EIPR1: variants seen among roughly 807,000 people sequenced by gnomAD.
The protein encoded by EIPR1 is EARP complex and GARP complex interacting protein 1.
EIPR1 carries 25 observed loss-of-function variants against 48.1 expected under a neutral mutation model. The observed-to-expected ratio is 0.52, with a 90% confidence interval of 0.38 to 0.73. EIPR1 has a LOEUF of 0.73. Among genes scored for constraint, EIPR1 ranks in the 30% least tolerant of loss-of-function variants. The pLI, the probability that EIPR1 is intolerant of heterozygous loss-of-function variation, is 0.00. For missense variants in EIPR1, 415 were observed against 506.2 expected, an observed-to-expected ratio of 0.82 and a Z score of 1.73; for synonymous variants, 204 against 201.9, an observed-to-expected ratio of 1.01 and a Z score of -0.09.
intron 3 of EIPR1, among the ~76,000 whole-genome samples, chr2:3,269,574 G>GTCATCGCACTCAA (rs1265166525): frequency 1.3e-5 from 1 of 76,802 alleles, no homozygotes; most frequent in East Asian, 5.2e-4. Flanking sequence ...ATCGCACTCA[G>GTCATCGCACTCAA]TCATCGCACT....
intron 4 of EIPR1, among the ~76,000 whole-genome samples, chr2:3,227,428 G>A (rs1164533210): frequency 6.6e-6 from 1 of 152,238 alleles, no homozygotes; most frequent in Admixed American, 6.5e-5. Context: ...ACTCGAGAGA[G>A]ATGACTTAGG....
intron 3 of EIPR1, among the ~76,000 whole-genome samples, chr2:3,260,288 TGA>T (rs1329488736): frequency 6.6e-6 from 1 of 152,004 alleles, no homozygotes; most frequent in East Asian, 1.9e-4. Flanking sequence ...GTCAGGAGTT[TGA>T]GAGCAGCCTG....
intron 2 of EIPR1, among the ~76,000 whole-genome samples, chr2:3,350,117 CAAAAAAAAAAAA>C (rs35912767): frequency 1.1e-3 from 65 of 57,462 alleles, no homozygotes; most frequent in Non-Finnish European, 1.4e-3. Context: ...GACTCTGTCT[CAAAAAAAAAAAA>C]AAAAAAAAAA....
At chr2:3,251,595 T>C (rs1037429382) in intron 4 of EIPR1, among the ~76,000 whole-genome samples, 13 of 152,120 alleles carry the variant, frequency 8.5e-5, no homozygotes, top group Non-Finnish European at 1.8e-4. Context: ...TCTGCTGCCT[T>C]GAAGTCCACC....
chr2:3,198,808 A>G (rs535943873), intron 5 of EIPR1, among the ~76,000 whole-genome samples: 1 of 152,264 alleles, frequency 6.6e-6, no homozygotes, highest in Admixed American at 6.5e-5. Context: ...ACAAGGCAGA[A>G]GGTCAGGGTG....
intron 3 of EIPR1, among the ~76,000 whole-genome samples, chr2:3,325,352 G>A (rs987647598): frequency 6.6e-6 from 1 of 152,230 alleles, no homozygotes; most frequent in African/African-American, 2.4e-5. Flanking sequence ...TCCCACTGCG[G>A]AGGAGATGAG....
chr2:3,285,014 G>A (rs1668136006), intron 3 of EIPR1, among the ~76,000 whole-genome samples: 1 of 152,206 alleles, frequency 6.6e-6, no homozygotes, highest in Non-Finnish European at 1.5e-5. Flanking sequence ...GCAAGATAGT[G>A]AAAGTCAATG....
intron 5 of EIPR1, among the ~76,000 whole-genome samples, chr2:3,201,504 G>C (rs1177041225): frequency 6.6e-6 from 1 of 152,192 alleles, no homozygotes; most frequent in Non-Finnish European, 1.5e-5. Flanking sequence ...CGGGCTCCCA[G>C]ATACACTCAG....
intron 3 of EIPR1, among the ~76,000 whole-genome samples, chr2:3,327,911 G>C (rs1183707857): frequency 6.6e-6 from 1 of 151,990 alleles, no homozygotes; most frequent in Non-Finnish European, 1.5e-5. Context: ...CCAGGCTGGA[G>C]TGCAGTGGCA....
intron 4 of EIPR1, among the ~76,000 whole-genome samples, chr2:3,249,462 G>A (rs1447217465): frequency 1.3e-5 from 2 of 152,196 alleles, no homozygotes; most frequent in African/African-American, 2.4e-5. Flanking sequence ...ATCAGATACA[G>A]GAGCAAATAA....
chr2:3,262,820 C>T (rs1472255145), intron 3 of EIPR1, among the ~76,000 whole-genome samples: 3 of 152,214 alleles, frequency 2.0e-5, no homozygotes, highest in Non-Finnish European at 4.4e-5. Context: ...CCAAGTGCCA[C>T]GTGTCACTCA....
chr2:3,263,389 G>A (rs1238861095), intron 3 of EIPR1, among the ~76,000 whole-genome samples: 1 of 152,184 alleles, frequency 6.6e-6, no homozygotes, highest in African/African-American at 2.4e-5. Flanking sequence ...CTGAGAACAG[G>A]AAGAAGTTCA....
intron 3 of EIPR1, among the ~76,000 whole-genome samples, chr2:3,285,525 C>T (rs1201595434): frequency 6.6e-6 from 1 of 152,204 alleles, no homozygotes; most frequent in Non-Finnish European, 1.5e-5. Flanking sequence ...CAGAAGTGCT[C>T]CATAAGAATT....
intron 3 of EIPR1, among the ~76,000 whole-genome samples, chr2:3,285,083 T>C (rs893103644): frequency 6.6e-6 from 1 of 152,180 alleles, no homozygotes; most frequent in Admixed American, 6.5e-5. Context: ...ATGGAAAATG[T>C]CCTCGTGAAA....
At chr2:3,225,976 G>T (rs1666052576) in intron 4 of EIPR1, among the ~76,000 whole-genome samples, 1 of 152,176 alleles carries the variant, frequency 6.6e-6, no homozygotes, top group African/African-American at 2.4e-5. Context: ...GGCCTTCTTT[G>T]TAAAGACTGA....
At chr2:3,340,606 T>C (rs1238016794) in intron 2 of EIPR1, among the ~76,000 whole-genome samples, 1 of 152,206 alleles carries the variant, frequency 6.6e-6, no homozygotes, top group Non-Finnish European at 1.5e-5. Flanking sequence ...CATTTTATAA[T>C]ATATTATTAG....
chr2:3,220,331 C>G (rs1665835881), intron 4 of EIPR1, among the ~76,000 whole-genome samples: 2 of 151,800 alleles, frequency 1.3e-5, no homozygotes, highest in South Asian at 4.2e-4. Context: ...GTCGGGGACA[C>G]ACGCACACAA....
Position 3,289,147 on chromosome 2 carries a change from G to A in EIPR1, c.260-31692C>T, listed in dbSNP as rs140275298. Among the ~76,000 whole-genome samples, 959 of 152,318 alleles carry A rather than the reference G, an allele frequency of 6.3e-3. 6 individuals carry two copies. Among genetic ancestry groups the A allele is most frequent in the African/African-American group, 0.022 (895 of 41,574 alleles). ...GTTTCAGGGGAGAGGGGAGACAAGC[G>A]AGGATTTGTTTCTGTATTAATTGGC... On this transcript the variant is annotated intron_variant, in intron 3 of 8. Coordinates refer to ENST00000382125, the MANE Select transcript of EIPR1 (RefSeq NM_003310.5).
At chr2:3,250,860 G>C (rs374756419) in intron 4 of EIPR1, among the ~76,000 whole-genome samples, 3 of 152,102 alleles carry the variant, frequency 2.0e-5, no homozygotes, top group Non-Finnish European at 4.4e-5. Context: ...CACGATGGTT[G>C]TAAGTTTCCT....
Sources: allele counts gnomAD v4.1 joint callset (sites outside exome capture counted in the v4.1 genomes callset), GRCh38; gene constraint gnomAD v4.1.1; transcripts MANE v1.5; gene names NCBI Gene and HGNC (gene_info 2026-07-23, HGNC 2026-07-21).